Variants in FAM117A observed in about 807,000 individuals in gnomAD.
FAM117A encodes the protein protein FAM117A.
A neutral mutation model predicts 44.1 loss-of-function variants in FAM117A; 21 were observed. The observed-to-expected ratio is 0.48, with a 90% confidence interval of 0.34 to 0.69. FAM117A has a LOEUF of 0.69. FAM117A is among the 30% of genes least tolerant of loss of function. FAM117A has a pLI of 0.01. For synonymous variants in FAM117A, 220 were observed against 238.3 expected (o/e 0.92, Z 0.71); for missense variants, 498 against 589.9 (o/e 0.84, Z 1.61).
At chr17:49,770,630 G>A (rs7208106) in intron 1 of FAM117A, among the ~76,000 whole-genome samples, 15,095 of 152,188 alleles carry the variant, frequency 0.099, 982 homozygotes, top group Middle Eastern at 0.17. Flanking sequence ...TCGGCCAGGC[G>A]TGGTGGCTCA....
intron 7 of FAM117A, among the ~76,000 whole-genome samples, chr17:49,712,762 A>G (rs561551134): frequency 2.6e-5 from 4 of 152,168 alleles, no homozygotes; most frequent in Non-Finnish European, 5.9e-5. Context: ...CAAAACTTTG[A>G]GAGGAAAGGA....
chr17:49,786,040 AAAG>A (rs1022094982), intron 1 of FAM117A, among the ~76,000 whole-genome samples: 45 of 152,330 alleles, frequency 3.0e-4, no homozygotes, highest in African/African-American at 1.0e-3. Flanking sequence ...TTTTTTAAAA[AAAG>A]AAGAAGAAAT....
chr17:49,715,330 G>A (rs991074864), intron 7 of FAM117A, among the ~76,000 whole-genome samples: 1 of 152,150 alleles, frequency 6.6e-6, no homozygotes, highest in Non-Finnish European at 1.5e-5. Context: ...AGATACAAAT[G>A]GTGCTCTCAA....
In FAM117A at chr17:49,722,614, G is replaced by A; in HGVS notation, c.367-20C>T. The A allele has an allele frequency of 1.2e-6, 2 of 1,604,180 alleles. No homozygotes were observed. Among genetic ancestry groups the A allele is most frequent in the Non-Finnish European group, 8.5e-7 (1 of 1,172,334 alleles). ...GGGCGTCTGCAGGGAGAGAAACACA[G>A]TGAGACACAGCAGCTTCTTTGGCAG... On this transcript the variant is annotated intron_variant, in intron 2 of 7. Coordinates refer to ENST00000240364, the MANE Select transcript of FAM117A (RefSeq NM_030802.4).
At chr17:49,712,686 CT>C (rs1801546899) in intron 7 of FAM117A, among the ~76,000 whole-genome samples, 1 of 151,956 alleles carries the variant, frequency 6.6e-6, no homozygotes, top group Admixed American at 6.6e-5. Context: ...AATTGCTTTA[CT>C]TTTATTTTGT....
chr17:49,767,972 A>G (rs779204278), upstream of FAM117A, among the ~76,000 whole-genome samples: 64 of 152,202 alleles, frequency 4.2e-4, no homozygotes, highest in Non-Finnish European at 1.5e-4. Flanking sequence ...TTAATCTATA[A>G]GAGACTTATT....
chr17:49,781,820 A>G (rs1443310468), intron 1 of FAM117A, among the ~76,000 whole-genome samples: 1 of 152,054 alleles, frequency 6.6e-6, no homozygotes, highest in Non-Finnish European at 1.5e-5. Context: ...TCTACAGAAA[A>G]TAAAAAATTA....
intron 1 of FAM117A, chr17:49,747,045 C>T (rs969627362): frequency 6.6e-6 from 1 of 151,908 alleles, no homozygotes; most frequent in African/African-American, 2.4e-5. Context: ...TCTAGAATTC[C>T]CCAACTATTA....
At chr17:49,729,503 CTTTTTTTTTTTTTTT>C (rs3034927) in intron 2 of FAM117A, among the ~76,000 whole-genome samples, 2 of 92,206 alleles carry the variant, frequency 2.2e-5, no homozygotes, top group East Asian at 5.8e-4. Flanking sequence ...TGGCATCAGT[CTTTTTTTTTTTTTTT>C]TTTTTTTGAC....
chr17:49,722,496 T>C lies in FAM117A; in HGVS notation c.462+3A>G. 4 of 1,613,146 alleles carry C rather than the reference T, an allele frequency of 2.5e-6. No individual in the cohort carries two copies. The highest frequency in any genetic ancestry group is 3.4e-6 in the Non-Finnish European group (4 of 1,179,480). Reference sequence around the variant, plus strand: ...TAGGCAGGGAGTCAAAGTGGGTAGCTACCTCTTTTCGGTGGTCTGTGCTGC... The same window carrying C: ...TAGGCAGGGAGTCAAAGTGGGTAGCCACCTCTTTTCGGTGGTCTGTGCTGC... On this transcript the variant is annotated splice_donor_region_variant and intron_variant, in intron 3 of 7. Transcript: ENST00000240364.
At chr17:49,789,061 G>C (rs532297533), upstream of FAM117A, 11 of 421,618 alleles carry the variant, frequency 2.6e-5, no homozygotes, top group Admixed American at 4.4e-5. Context: ...CCCTCTGCTT[G>C]CCTGGATCGG....
At position 49,749,963 on chromosome 17, in the gene FAM117A, G is replaced by T. The variant is rs552917470; in HGVS notation, c.196+13929C>A. On this transcript the variant is annotated intron_variant, in intron 1 of 7. Transcript: ENST00000240364. ...CACTTAACTTCTCTGGGTGTCAGTTGTTCCATCTGTTAAATGGGGAGAGTA... is the reference window on the plus strand; with the variant it reads ...CACTTAACTTCTCTGGGTGTCAGTTTTTCCATCTGTTAAATGGGGAGAGTA... 4.7e-5 allele frequency among the ~76,000 whole-genome samples: 7 copies of T among 148,950 alleles called. 1 individual carries two copies. The South Asian group carries it at 1.3e-3, about 27-fold the overall frequency.
intron 1 of FAM117A, among the ~76,000 whole-genome samples, chr17:49,772,608 C>T (rs1248955014): frequency 2.6e-5 from 4 of 151,678 alleles, no homozygotes; most frequent in African/African-American, 7.3e-5. Context: ...AAAAATTAGC[C>T]GGGTGTGGTG....
intron 1 of FAM117A, among the ~76,000 whole-genome samples, chr17:49,769,730 A>T (rs1369424516): frequency 3.3e-5 from 5 of 152,010 alleles, no homozygotes; most frequent in African/African-American, 7.2e-5. Context: ...AAATAAATAA[A>T]TAATAAATAA....
chr17:49,748,939 G>T (rs936911150), intron 1 of FAM117A, among the ~76,000 whole-genome samples: 1 of 152,152 alleles, frequency 6.6e-6, no homozygotes, highest in Admixed American at 6.5e-5. Context: ...CTCTAGCTCT[G>T]TCTGCTTAGC....
chr17:49,719,588 C>T (rs2073523427), intron 5 of FAM117A, 172 bp downstream of exon 5: 1 of 799,928 alleles, frequency 1.3e-6, no homozygotes, highest in Non-Finnish European at 1.9e-6. Context: ...GGGTTAAGGC[C>T]ATTTGAGACT....
chr17:49,752,561 G>A lies in FAM117A; in HGVS notation c.196+11331C>T, dbSNP rs571555568. Among the ~76,000 whole-genome samples the A allele has an allele frequency of 2.6e-5, 4 of 152,118 alleles. No homozygotes were observed. The South Asian group carries it at 6.2e-4, about 24-fold the overall frequency. ...TCCTTTTCCTGTAAGATCCATCTTCGCATGTCTCCCTAACATGGCCTTGCC... is the reference window on the plus strand; with the variant it reads ...TCCTTTTCCTGTAAGATCCATCTTCACATGTCTCCCTAACATGGCCTTGCC... On this transcript the variant is annotated intron_variant, in intron 1 of 7. Transcript: ENST00000240364.
chr17:49,743,310 G>C (rs2073641865), intron 1 of FAM117A, among the ~76,000 whole-genome samples: 2 of 152,078 alleles, frequency 1.3e-5, no homozygotes, highest in South Asian at 4.1e-4. Context: ...AAAAATCAGG[G>C]ATTGGCCAGG....
At chr17:49,734,619 TA>T (rs545809506) in intron 1 of FAM117A, among the ~76,000 whole-genome samples, 3 of 150,792 alleles carry the variant, frequency 2.0e-5, no homozygotes, top group African/African-American at 4.9e-5. Context: ...AAATAAAAAT[TA>T]AAAAAAATAA....
Sources: gnomAD v4.1 joint callset for allele counts (sites outside exome capture counted in the v4.1 genomes callset) on GRCh38, gnomAD v4.1.1 for gene constraint, MANE v1.5 for transcripts, NCBI Gene and HGNC (gene_info 2026-07-23, HGNC 2026-07-21) for gene names.